Variants in TNFAIP8 observed in about 807,000 individuals in gnomAD.
TNFAIP8 encodes TNF alpha induced protein 8.
In TNFAIP8, 7 loss-of-function variants were observed where a neutral mutation model predicts 13.3. The observed-to-expected ratio is 0.52, with a 90% CI of 0.30 to 0.99. The LOEUF (loss-of-function observed/expected upper bound fraction) is 0.99. Among genes scored for constraint, TNFAIP8 ranks in the 50% least tolerant of loss-of-function variants. TNFAIP8 has a pLI of 0.07. For missense variants in TNFAIP8, 258 were observed against 236.9 expected, an observed-to-expected ratio of 1.09 and a Z score of -0.58; for synonymous variants, 94 against 87.6, an observed-to-expected ratio of 1.07 and a Z score of -0.41.
chr5:119,303,870 A>C (rs550915188), intron 1 of TNFAIP8, among the ~76,000 whole-genome samples: 3 of 152,280 alleles, frequency 2.0e-5, no homozygotes, highest in African/African-American at 7.2e-5. Flanking sequence ...GCTCCCCACT[A>C]TTGTAAAGGG....
chr5:119,328,283 G>C (rs1454469777), intron 1 of TNFAIP8, among the ~76,000 whole-genome samples: 1 of 152,154 alleles, frequency 6.6e-6, no homozygotes. Context: ...AAAGTGCTGG[G>C]ATTACAGGCA....
At chr5:119,376,723 T>C (rs1752296862) in intron 1 of TNFAIP8, among the ~76,000 whole-genome samples, 1 of 152,174 alleles carries the variant, frequency 6.6e-6, no homozygotes, top group African/African-American at 2.4e-5. Flanking sequence ...AAAAGTATGA[T>C]AAGCAGTTTC....
intron 1 of TNFAIP8, among the ~76,000 whole-genome samples, chr5:119,297,306 T>C (rs893774846): frequency 3.3e-5 from 5 of 152,198 alleles, no homozygotes; most frequent in African/African-American, 1.2e-4. Flanking sequence ...GTATGTTGTG[T>C]CTTTGTTCTC....
chr5:119,355,998 C>A (rs3797339), upstream of TNFAIP8: 643,773 of 1,522,124 alleles, frequency 0.42, 139,393 homozygotes, highest in East Asian at 0.55. Context: ...CTTTTATTTT[C>A]CGTCGTGTGC....
At chr5:119,280,954 G>A (rs1390215104) in intron 1 of TNFAIP8, among the ~76,000 whole-genome samples, 1 of 151,606 alleles carries the variant, frequency 6.6e-6, no homozygotes, top group African/African-American at 2.4e-5. Context: ...CTTTTTTATA[G>A]GTTTTAGTCT....
chr5:119,395,322 G>A lies in TNFAIP8; in HGVS notation c.*1941G>A, dbSNP rs1247349228. On this transcript the variant is annotated 3_prime_UTR_variant, in exon 2 of 2. Transcript: ENST00000504771. ...CCTCACATGTGAAGGCTGAGAATGT[G>A]ATGGGGGGTGTGAGCTACTGACTGG... 6.6e-6 allele frequency: 1 copy of A among 152,266 alleles called. No individual in the cohort carries two copies. Among genetic ancestry groups the A allele is most frequent in the Non-Finnish European group, 1.5e-5 (1 of 68,086 alleles). The allele number at this position is 152,266 out of a possible 1,614,324, so 9.4% of individuals were successfully genotyped here.
chr5:119,302,077 A>G (rs1749412705), intron 1 of TNFAIP8, among the ~76,000 whole-genome samples: 1 of 152,218 alleles, frequency 6.6e-6, no homozygotes, highest in Non-Finnish European at 1.5e-5. Flanking sequence ...CTCTTAGCAA[A>G]TAAGGGAGGA....
At chr5:119,324,594 G>A (rs11956215) in intron 1 of TNFAIP8, among the ~76,000 whole-genome samples, 14,465 of 152,050 alleles carry the variant, frequency 0.095, 786 homozygotes, top group African/African-American at 0.16. Flanking sequence ...CTGATTGGCA[G>A]CCTCTATTTA....
intron 1 of TNFAIP8, among the ~76,000 whole-genome samples, chr5:119,350,018 T>G (rs2112752978): frequency 6.6e-6 from 1 of 152,374 alleles, no homozygotes; most frequent in Middle Eastern, 3.4e-3. Context: ...GAGCAAATCA[T>G]GTAACCTCCA....
intron 1 of TNFAIP8, among the ~76,000 whole-genome samples, chr5:119,289,478 G>A (rs1211445044): frequency 6.6e-6 from 1 of 152,210 alleles, no homozygotes; most frequent in Non-Finnish European, 1.5e-5. Context: ...TATTGGGCTG[G>A]AAACCTCTTT....
At chr5:119,389,287 G>GA (rs35906677) in intron 1 of TNFAIP8, among the ~76,000 whole-genome samples, 107,893 of 152,050 alleles carry the variant, frequency 0.71, 38,513 homozygotes, top group African/African-American at 0.78. Context: ...AATAGTCAAG[G>GA]AAAGAAAAAT....
intron 1 of TNFAIP8, among the ~76,000 whole-genome samples, chr5:119,331,420 G>A (rs527523663): frequency 1.3e-5 from 2 of 152,130 alleles, no homozygotes; most frequent in East Asian, 1.9e-4. Context: ...GAATAGATCC[G>A]GGGATATCTT....
chr5:119,338,165 GACACACAC>G (rs367789572), intron 1 of TNFAIP8, among the ~76,000 whole-genome samples: 129 of 125,240 alleles, frequency 1.0e-3, no homozygotes, highest in African/African-American at 2.6e-3. Flanking sequence ...CTGGAACTTT[GACACACAC>G]ACACACACAC....
chr5:119,365,316 T>G (rs985880703), intron 1 of TNFAIP8, among the ~76,000 whole-genome samples: 1 of 152,212 alleles, frequency 6.6e-6, no homozygotes. Flanking sequence ...TTTAGTCTTA[T>G]ACATATTAAC....
intron 1 of TNFAIP8, among the ~76,000 whole-genome samples, chr5:119,287,280 G>GTTTTTTTTTTTTTTTTTTT (rs58452491): frequency 9.2e-6 from 1 of 109,236 alleles, no homozygotes; most frequent in Non-Finnish European, 1.8e-5. Context: ...CAGTAACCAA[G>GTTTTTTTTTTTTTTTTTTT]TTTTTTTTTT....
intron 1 of TNFAIP8, among the ~76,000 whole-genome samples, chr5:119,310,754 G>A (rs1749702426): frequency 6.6e-6 from 1 of 152,122 alleles, no homozygotes; most frequent in African/African-American, 2.4e-5. Flanking sequence ...TTGAACTGGG[G>A]AGGCGGAGGT....
chr5:119,390,407 G>C (rs796603284), intron 1 of TNFAIP8, among the ~76,000 whole-genome samples: 7 of 152,126 alleles, frequency 4.6e-5, no homozygotes, highest in African/African-American at 1.7e-4. Context: ...CATTTCTTTT[G>C]ACATAAATTC....
upstream of TNFAIP8, among the ~76,000 whole-genome samples, chr5:119,353,416 C>G (rs1348243396): frequency 1.3e-5 from 2 of 152,230 alleles, no homozygotes; most frequent in Non-Finnish European, 2.9e-5. Context: ...GCAATGCAGC[C>G]TGCCCAGAGC....
chr5:119,317,154 G>T (rs1486716071), intron 1 of TNFAIP8, among the ~76,000 whole-genome samples: 3 of 152,196 alleles, frequency 2.0e-5, no homozygotes, highest in African/African-American at 7.2e-5. Flanking sequence ...CATCATGGAG[G>T]CCTGTCCTTG....
Sources: allele counts gnomAD v4.1 joint callset (sites outside exome capture counted in the v4.1 genomes callset), GRCh38; gene constraint gnomAD v4.1.1; transcripts MANE v1.5; gene names NCBI Gene and HGNC (gene_info 2026-07-23, HGNC 2026-07-21).